The following CTNNA3 variants were observed in gnomAD, a reference collection of about 807,000 sequenced individuals.
CTNNA3 encodes catenin alpha 3.
A neutral mutation model predicts 95.7 loss-of-function variants in CTNNA3; 76 were observed. The ratio of observed to expected loss-of-function variants is 0.79; its 90% CI spans 0.66 to 0.96. The LOEUF (loss-of-function observed/expected upper bound fraction) is 0.96. Among genes scored for constraint, CTNNA3 ranks in the 40% least tolerant of loss-of-function variants. The pLI, the probability that CTNNA3 is intolerant of heterozygous loss-of-function variation, is 0.00. For missense variants in CTNNA3, 1,191 were observed against 1,089.8 expected, an observed-to-expected ratio of 1.09 and a Z score of -1.31; for synonymous variants, 431 against 374.4, an observed-to-expected ratio of 1.15 and a Z score of -1.74.
At chr10:66,824,423 T>C (rs961090204) in intron 7 of CTNNA3, among the ~76,000 whole-genome samples, 1 of 152,170 alleles carries the variant, frequency 6.6e-6, no homozygotes, top group African/African-American at 2.4e-5. Context: ...AATTGGTCAT[T>C]CAAATCTCTA....
At chr10:66,592,463 C>T (rs990268269) in intron 10 of CTNNA3, among the ~76,000 whole-genome samples, 2 of 152,190 alleles carry the variant, frequency 1.3e-5, no homozygotes, top group Middle Eastern at 3.4e-3. Context: ...ATCCAACCTC[C>T]ACTTTTCCAT....
intron 7 of CTNNA3, among the ~76,000 whole-genome samples, chr10:67,079,503 A>G (rs1856923452): frequency 6.6e-6 from 1 of 152,220 alleles, no homozygotes. Context: ...TAGAAAAGGC[A>G]AAGTATTACA....
intron 11 of CTNNA3, among the ~76,000 whole-genome samples, chr10:66,383,173 A>G (rs1249165187): frequency 6.6e-6 from 1 of 152,204 alleles, no homozygotes; most frequent in East Asian, 1.9e-4. Context: ...GTTTGAACCC[A>G]TTGCAAGGAA....
intron 11 of CTNNA3, among the ~76,000 whole-genome samples, chr10:66,485,354 T>C (rs12245323): frequency 0.062 from 9,422 of 152,104 alleles, 607 homozygotes; most frequent in African/African-American, 0.16. Context: ...TTTTCACACT[T>C]GAAAACAACC....
intron 15 of CTNNA3, among the ~76,000 whole-genome samples, chr10:66,003,439 T>A (rs760080543): frequency 2.0e-5 from 3 of 152,070 alleles, no homozygotes; most frequent in Non-Finnish European, 4.4e-5. Context: ...TCTTCGGTCC[T>A]CAAATACCTC....
intron 7 of CTNNA3, among the ~76,000 whole-genome samples, chr10:66,890,083 AC>A (rs1845207875): frequency 6.6e-6 from 1 of 152,042 alleles, no homozygotes; most frequent in South Asian, 2.1e-4. Context: ...GAGCCACCGC[AC>A]CCGGCCGGAA....
At chr10:67,278,555 T>C (rs1839276297) in intron 5 of CTNNA3, among the ~76,000 whole-genome samples, 1 of 152,142 alleles carries the variant, frequency 6.6e-6, no homozygotes, top group African/African-American at 2.4e-5. Flanking sequence ...AGATAAAGGA[T>C]TGTGGAGACC....
intron 11 of CTNNA3, among the ~76,000 whole-genome samples, chr10:66,386,599 T>A (rs2132514447): frequency 6.6e-6 from 1 of 152,264 alleles, no homozygotes; most frequent in East Asian, 1.9e-4. Context: ...AACACTACTT[T>A]AAAGTTCATA....
At chr10:67,676,270 A>G (rs1840533034) in intron 1 of CTNNA3, among the ~76,000 whole-genome samples, 1 of 152,162 alleles carries the variant, frequency 6.6e-6, no homozygotes, top group Non-Finnish European at 1.5e-5. Flanking sequence ...TATATTCAAA[A>G]ATGCAAAGCA....
At chr10:67,109,158 G>C (rs1858795110) in intron 7 of CTNNA3, among the ~76,000 whole-genome samples, 1 of 152,100 alleles carries the variant, frequency 6.6e-6, no homozygotes, top group African/African-American at 2.4e-5. Flanking sequence ...ATCACCTACA[G>C]GTTATGGCAT....
intron 7 of CTNNA3, among the ~76,000 whole-genome samples, chr10:66,806,289 GTGTATA>G (rs1480179487): frequency 6.7e-4 from 100 of 148,504 alleles, no homozygotes; most frequent in Middle Eastern, 3.4e-3. Flanking sequence ...GTGTGTGTGT[GTGTATA>G]TATACTCATT....
At chr10:67,725,811 C>T (rs923222209) in intron 1 of CTNNA3, among the ~76,000 whole-genome samples, 9 of 150,204 alleles carry the variant, frequency 6.0e-5, no homozygotes, top group Admixed American at 2.0e-4. Flanking sequence ...ACCCCTTATT[C>T]GCCAAAATCT....
Position 67,118,050 on chromosome 10 carries a change from G to A in CTNNA3, c.1047+62267C>T, listed in dbSNP as rs1315257829. Among the ~76,000 whole-genome samples the A allele has an allele frequency of 2.0e-5, 3 of 151,998 alleles. No individual in the cohort carries two copies. In the East Asian group the frequency reaches 5.8e-4, roughly 29 times the overall value. ...GGAATTACCCAAGTTTTCTTAGCAT[G>A]CTAATAGCTAACTGAAATAGTTATT... On this transcript the variant is annotated intron_variant, in intron 7 of 17. Transcript: ENST00000433211.
At chr10:66,121,843 CAA>C (rs200577004) in intron 13 of CTNNA3, among the ~76,000 whole-genome samples, 1 of 150,780 alleles carries the variant, frequency 6.6e-6, no homozygotes, top group South Asian at 2.1e-4. Context: ...GACCCTGTCT[CAA>C]AAAAAAAGTT....
intron 7 of CTNNA3, among the ~76,000 whole-genome samples, chr10:66,991,908 T>A (rs2132938410): frequency 6.6e-6 from 1 of 152,326 alleles, no homozygotes; most frequent in African/African-American, 2.4e-5. Context: ...GAAGGCCATC[T>A]ATTCACCACT....
At chr10:66,566,762 G>A (rs1842719110) in intron 10 of CTNNA3, among the ~76,000 whole-genome samples, 1 of 151,816 alleles carries the variant, frequency 6.6e-6, no homozygotes, top group African/African-American at 2.4e-5. Flanking sequence ...GAGAAACCAA[G>A]GTGAATTTCT....
chr10:66,218,002 G>A (rs1316420926), intron 13 of CTNNA3, among the ~76,000 whole-genome samples: 1 of 152,188 alleles, frequency 6.6e-6, no homozygotes, highest in South Asian at 2.1e-4. Context: ...ACTGTTTTCA[G>A]AGGGGAGGAG....
intron 5 of CTNNA3, among the ~76,000 whole-genome samples, chr10:67,434,443 C>T (rs1431786436): frequency 6.6e-6 from 1 of 151,846 alleles, no homozygotes; most frequent in Non-Finnish European, 1.5e-5. Context: ...TTTAGGAAAA[C>T]AGAAAGCTTC....
chr10:66,704,730 G>A (rs755818452), intron 9 of CTNNA3, among the ~76,000 whole-genome samples: 8 of 152,098 alleles, frequency 5.3e-5, no homozygotes, highest in Non-Finnish European at 1.0e-4. Context: ...TCCACTTGTG[G>A]TATTATGTAG....
Sources: gnomAD v4.1 joint callset for allele counts (sites outside exome capture counted in the v4.1 genomes callset) on GRCh38, gnomAD v4.1.1 for gene constraint, MANE v1.5 for transcripts, NCBI Gene and HGNC (gene_info 2026-07-23, HGNC 2026-07-21) for gene names.